KRABD4: variants seen among roughly 807,000 people sequenced by gnomAD.
KRABD4 encodes KRAB domain-containing protein 4.
chrX:46,455,136 C>G, the KRABD4 span: 1 of 770,132 alleles, frequency 1.3e-6, no homozygotes, highest in East Asian at 3.7e-5. Context: ...TTACAGGAGA[C>G]AAGGATTTCA....
chrX:46,471,057 T>A, the KRABD4 span: 2 of 1,051,816 alleles, frequency 1.9e-6, no homozygotes, highest in South Asian at 4.3e-5. Context: ...CCTTGCTGGT[T>A]TTCTGTCTAC....
At chrX:46,463,211 G>A in the KRABD4 span, 567 of 1,210,036 alleles carry the variant, frequency 4.7e-4, no homozygotes, top group Middle Eastern at 5.5e-3. Context: ...ATCTAGTTGC[G>A]AAGCCAGATG....
the KRABD4 span, among the ~76,000 whole-genome samples, chrX:46,471,470 G>A: frequency 1.2e-4 from 13 of 104,906 alleles, no homozygotes; most frequent in African/African-American, 3.9e-4. Context: ...GTTACAACTG[G>A]TGAATGAATA....
At chrX:46,447,688 C>G in the KRABD4 span, among the ~76,000 whole-genome samples, 6 of 112,073 alleles carry the variant, frequency 5.4e-5, no homozygotes, top group Non-Finnish European at 1.1e-4. Flanking sequence ...TCACATTAAT[C>G]TTCACAGGAG....
At chrX:46,456,965 A>C in the KRABD4 span, 1 of 264,126 alleles carries the variant, frequency 3.8e-6, no homozygotes, top group African/African-American at 2.9e-5. Context: ...TGCGTTGCTT[A>C]ATAACCCATT....
At chrX:46,457,914 G>T in the KRABD4 span, among the ~76,000 whole-genome samples, 3 of 110,072 alleles carry the variant, frequency 2.7e-5, no homozygotes. Context: ...GCTAATTTTT[G>T]TATTTTTAGT....
chrX:46,457,079 C>T, the KRABD4 span: 18 of 374,458 alleles, frequency 4.8e-5, no homozygotes, highest in South Asian at 3.7e-4. Context: ...CCCTCCGTGG[C>T]GCATTTTTCT....
the KRABD4 span, among the ~76,000 whole-genome samples, chrX:46,459,088 GGATCACCTGA>G: frequency 9.0e-6 from 1 of 111,422 alleles, no homozygotes; most frequent in South Asian, 3.7e-4. Flanking sequence ...CGAGGTGGGT[GGATCACCTGA>G]GATCAGGAGT....
At chrX:46,450,538 A>G in the KRABD4 span, 2 of 1,020,719 alleles carry the variant, frequency 2.0e-6, no homozygotes, top group Admixed American at 2.2e-5. Context: ...TGGAATCTAT[A>G]TAGCAGACTT....
the KRABD4 span, among the ~76,000 whole-genome samples, chrX:46,470,049 A>G: frequency 1.8e-5 from 2 of 110,506 alleles, no homozygotes; most frequent in East Asian, 5.7e-4. Context: ...CATCCCCCCA[A>G]CCAAACTTCT....
chrX:46,465,651 A>G, the KRABD4 span, among the ~76,000 whole-genome samples: 1 of 112,163 alleles, frequency 8.9e-6, no homozygotes, highest in Non-Finnish European at 1.9e-5. Flanking sequence ...GATGTATTAC[A>G]TAGTTACCTG....
chrX:46,454,209 G>A, the KRABD4 span: 1 of 168,679 alleles, frequency 5.9e-6, no homozygotes, highest in Non-Finnish European at 1.3e-5. Context: ...AAAGCCATCA[G>A]TGAAGGTAAA....
At chrX:46,454,662 C>A in the KRABD4 span, among the ~76,000 whole-genome samples, 2 of 110,092 alleles carry the variant, frequency 1.8e-5, no homozygotes, top group African/African-American at 3.3e-5. Context: ...ATTAGCTGGG[C>A]GTGGTGGTGC....
the KRABD4 span, among the ~76,000 whole-genome samples, chrX:46,449,366 A>G: frequency 8.9e-6 from 1 of 111,950 alleles, no homozygotes; most frequent in Admixed American, 9.4e-5. Context: ...AACCACATCA[A>G]GAGATCCTAC....
the KRABD4 span, chrX:46,455,602 C>T: frequency 1.8e-5 from 7 of 399,838 alleles, no homozygotes; most frequent in Non-Finnish European, 3.2e-5. Context: ...GCCTCTGACA[C>T]TGTTCTTGTT....
At chrX:46,450,287 G>C in the KRABD4 span, 4 of 363,839 alleles carry the variant, frequency 1.1e-5, no homozygotes, top group African/African-American at 1.0e-4. Context: ...GATCTTAGTA[G>C]AGTTTCATGG....
chrX:46,471,263 C>A, the KRABD4 span: 1 of 987,156 alleles, frequency 1.0e-6, no homozygotes, highest in South Asian at 2.3e-5. Flanking sequence ...CTCTTTGTGC[C>A]AGAAAATCCT....
At chrX:46,460,281 G>T in the KRABD4 span, among the ~76,000 whole-genome samples, 5 of 110,990 alleles carry the variant, frequency 4.5e-5, no homozygotes, top group Non-Finnish European at 9.5e-5. Flanking sequence ...GCCGGGTGTG[G>T]TGGTGCATGC....
At chrX:46,472,281 T>G in the KRABD4 span, 1 of 118,989 alleles carries the variant, frequency 8.4e-6, no homozygotes, top group African/African-American at 3.2e-5. Context: ...CATTAGCCAG[T>G]GGGTGACATC....
Sources: allele counts gnomAD v4.1 joint callset (sites outside exome capture counted in the v4.1 genomes callset), GRCh38; gene constraint gnomAD v4.1.1; transcripts MANE v1.5; gene names NCBI Gene and HGNC (gene_info 2026-07-23, HGNC 2026-07-21).